Variants in TOP6BL observed in about 807,000 individuals in gnomAD.
TOP6BL encodes the protein type 2 DNA topoisomerase 6 subunit B-like.
At chr11:66,843,135 G>A in the TOP6BL span, 7 of 1,608,394 alleles carry the variant, frequency 4.4e-6, no homozygotes, top group South Asian at 3.3e-5. Context: ...CCGCTGCTGA[G>A]AGGTCCTCAC....
chr11:66,762,141 C>T, the TOP6BL span: 4 of 880,434 alleles, frequency 4.5e-6, no homozygotes, highest in Non-Finnish European at 7.7e-6. Context: ...TTCCTTTCCT[C>T]CTGAATTTCA....
the TOP6BL span, among the ~76,000 whole-genome samples, chr11:66,809,629 G>A: frequency 1.3e-5 from 2 of 152,186 alleles, no homozygotes; most frequent in African/African-American, 4.8e-5. Flanking sequence ...GCATACTTAT[G>A]ATAAATAATT....
the TOP6BL span, chr11:66,822,740 A>G: frequency 1.8e-6 from 2 of 1,131,512 alleles, no homozygotes; most frequent in East Asian, 2.6e-5. Context: ...ACGGTGGCTC[A>G]TGCCTATAAT....
the TOP6BL span, among the ~76,000 whole-genome samples, chr11:66,791,801 T>C: frequency 6.6e-6 from 1 of 151,770 alleles, no homozygotes; most frequent in East Asian, 1.9e-4. Context: ...GTCATCTCTC[T>C]CTTCCTCTTT....
the TOP6BL span, among the ~76,000 whole-genome samples, chr11:66,833,077 T>C: frequency 6.8e-6 from 1 of 147,748 alleles, no homozygotes; most frequent in Admixed American, 6.8e-5. Flanking sequence ...ACACCGAGTC[T>C]TGCTCTGTCG....
At chr11:66,830,580 AG>A in the TOP6BL span, among the ~76,000 whole-genome samples, 1 of 152,206 alleles carries the variant, frequency 6.6e-6, no homozygotes, top group East Asian at 1.9e-4. Flanking sequence ...AAAACAATGG[AG>A]AAAAATCAAT....
chr11:66,796,294 C>G, the TOP6BL span: 37 of 1,609,332 alleles, frequency 2.3e-5, no homozygotes, highest in Non-Finnish European at 3.1e-5. Flanking sequence ...GATGAAAAGC[C>G]CAGAACCTTG....
the TOP6BL span, among the ~76,000 whole-genome samples, chr11:66,806,347 G>A: frequency 2.3e-4 from 35 of 152,194 alleles, no homozygotes; most frequent in South Asian, 3.1e-3. Context: ...TTGTTTGCTC[G>A]TTTTAGAATT....
chr11:66,764,937 C>T, the TOP6BL span, among the ~76,000 whole-genome samples: 12 of 151,706 alleles, frequency 7.9e-5, no homozygotes, highest in East Asian at 1.2e-3. Flanking sequence ...CACTGCACTA[C>T]AGCCTTGGTG....
chr11:66,819,795 CG>C, the TOP6BL span, among the ~76,000 whole-genome samples: 2 of 151,564 alleles, frequency 1.3e-5, no homozygotes, highest in Non-Finnish European at 1.5e-5. Context: ...CCCAGCTACT[CG>C]GGAGGCTGAG....
At chr11:66,792,917 A>G in the TOP6BL span, among the ~76,000 whole-genome samples, 15 of 152,208 alleles carry the variant, frequency 9.9e-5, no homozygotes, top group Non-Finnish European at 1.6e-4. Flanking sequence ...AATGCTTTAA[A>G]GACTATTGCT....
chr11:66,799,651 G>T, the TOP6BL span, among the ~76,000 whole-genome samples: 2 of 151,824 alleles, frequency 1.3e-5, no homozygotes, highest in Non-Finnish European at 2.9e-5. Flanking sequence ...GGCGGAGGTT[G>T]CAGTGAGCCG....
At chr11:66,788,105 C>G in the TOP6BL span, 1 of 1,275,524 alleles carries the variant, frequency 7.8e-7, no homozygotes, top group Non-Finnish European at 1.1e-6. Flanking sequence ...ATCCAGAAAT[C>G]CTGGTTCTTA....
the TOP6BL span, among the ~76,000 whole-genome samples, chr11:66,780,391 C>G: frequency 3.3e-5 from 5 of 152,118 alleles, no homozygotes; most frequent in African/African-American, 1.2e-4. Flanking sequence ...CCATCTTCAG[C>G]CTGAAGAAAA....
chr11:66,791,495 A>G, the TOP6BL span, among the ~76,000 whole-genome samples: 1 of 152,178 alleles, frequency 6.6e-6, no homozygotes, highest in Non-Finnish European at 1.5e-5. Flanking sequence ...TTCTGTGTGT[A>G]TGTATCTAAG....
the TOP6BL span, chr11:66,838,556 C>T: frequency 2.0e-6 from 2 of 993,694 alleles, no homozygotes; most frequent in Non-Finnish European, 3.0e-6. Context: ...CGGCGTCCTT[C>T]TGCAATTTAG....
At chr11:66,835,015 T>A in the TOP6BL span, among the ~76,000 whole-genome samples, 3 of 131,764 alleles carry the variant, frequency 2.3e-5, no homozygotes, top group Non-Finnish European at 4.7e-5. Flanking sequence ...AGGAAAGGCA[T>A]TGTTTCCGGC....
At chr11:66,794,309 G>A in the TOP6BL span, among the ~76,000 whole-genome samples, 1 of 151,716 alleles carries the variant, frequency 6.6e-6, no homozygotes, top group Non-Finnish European at 1.5e-5. Context: ...ATTTCTGATT[G>A]TATTTCTTCT....
the TOP6BL span, among the ~76,000 whole-genome samples, chr11:66,813,244 AAGAACTT>A: frequency 6.6e-6 from 1 of 152,208 alleles, no homozygotes; most frequent in African/African-American, 2.4e-5. Context: ...TTTGTACCCC[AAGAACTT>A]AGAACTTAAA....
Sources: gnomAD v4.1 joint callset for allele counts (sites outside exome capture counted in the v4.1 genomes callset) on GRCh38, gnomAD v4.1.1 for gene constraint, MANE v1.5 for transcripts, NCBI Gene and HGNC (gene_info 2026-07-23, HGNC 2026-07-21) for gene names.